NCK1: variants seen among roughly 807,000 people sequenced by gnomAD.
NCK1 encodes the protein NCK adaptor protein 1, also known as SH2/SH3 adapter protein NCK1.
In NCK1, 19 loss-of-function variants were observed where a neutral mutation model predicts 36.6. That is an observed-to-expected ratio of 0.52 (90% confidence interval 0.36 to 0.76). The LOEUF is 0.76. NCK1 is among the 30% of genes least tolerant of loss of function. NCK1 has a pLI of 0.00. For synonymous variants in NCK1, 165 were observed against 156.0 expected (o/e 1.06, Z -0.43); for missense variants, 358 against 445.6 (o/e 0.80, Z 1.77).
chr3:136,870,804 T>G (rs1938593804), intron 1 of NCK1, among the ~76,000 whole-genome samples: 1 of 152,064 alleles, frequency 6.6e-6, no homozygotes, highest in Admixed American at 6.6e-5. Context: ...AGCTTAGCCC[T>G]TTTTTGCTTT....
At chr3:136,867,483 C>G (rs563602961) in intron 1 of NCK1, 6 of 130,156 alleles carry the variant, frequency 4.6e-5, no homozygotes, top group Non-Finnish European at 7.8e-5. Context: ...TGGCCTCAAA[C>G]GATCCTCCCA....
chr3:136,896,703 G>T (rs905232953), intron 1 of NCK1, among the ~76,000 whole-genome samples: 1 of 152,060 alleles, frequency 6.6e-6, no homozygotes, highest in African/African-American at 2.4e-5. Context: ...GTCTCACTAT[G>T]TTGCCCAAAC....
intron 1 of NCK1, among the ~76,000 whole-genome samples, chr3:136,906,706 GCT>G (rs1939695536): frequency 6.6e-6 from 1 of 152,180 alleles, no homozygotes; most frequent in South Asian, 2.1e-4. Context: ...AGCTGTCTGT[GCT>G]GGTGTAGGCA....
intron 1 of NCK1, among the ~76,000 whole-genome samples, chr3:136,908,802 T>C (rs966384521): frequency 2.6e-5 from 4 of 152,210 alleles, no homozygotes; most frequent in African/African-American, 7.2e-5. Flanking sequence ...ACAAAAATTA[T>C]AAGACCATTA....
chr3:136,888,542 A>G (rs1489411181), intron 1 of NCK1, among the ~76,000 whole-genome samples: 2 of 151,312 alleles, frequency 1.3e-5, no homozygotes, highest in African/African-American at 4.9e-5. Flanking sequence ...AGCTGGGACT[A>G]CAGAAGCTTG....
At chr3:136,873,106 A>G (rs1938674191) in intron 1 of NCK1, among the ~76,000 whole-genome samples, 1 of 152,136 alleles carries the variant, frequency 6.6e-6, no homozygotes, top group South Asian at 2.1e-4. Context: ...TGATAGATCC[A>G]CTGACAGCTT....
At chr3:136,944,092 G>A (rs1190235305) in intron 2 of NCK1, among the ~76,000 whole-genome samples, 4 of 141,972 alleles carry the variant, frequency 2.8e-5, no homozygotes, top group East Asian at 2.1e-4. Flanking sequence ...TGAAAAAGTC[G>A]AGGGAAAAGG....
chr3:136,929,253 C>T (rs1230306086), intron 2 of NCK1, among the ~76,000 whole-genome samples: 3 of 152,102 alleles, frequency 2.0e-5, no homozygotes, highest in African/African-American at 4.8e-5. Flanking sequence ...TCTTATTCAA[C>T]ATTATTGTTA....
chr3:136,917,540 A>G (rs530392140), intron 1 of NCK1, among the ~76,000 whole-genome samples: 1 of 152,352 alleles, frequency 6.6e-6, no homozygotes, highest in Non-Finnish European at 1.5e-5. Flanking sequence ...TCCACCTTAT[A>G]GCCCATGTAA....
intron 1 of NCK1, among the ~76,000 whole-genome samples, chr3:136,868,011 G>T (rs9883108): frequency 6.6e-6 from 1 of 151,686 alleles, no homozygotes; most frequent in African/African-American, 2.4e-5. Context: ...TCCGCCTCTC[G>T]GGTTCAAGCA....
chr3:136,867,669 G>A (rs1938489939), intron 1 of NCK1: 1 of 152,070 alleles, frequency 6.6e-6, no homozygotes, highest in Non-Finnish European at 1.5e-5. Context: ...CCAACCTTGT[G>A]TTTTACAGAT....
intron 1 of NCK1, among the ~76,000 whole-genome samples, chr3:136,867,175 TC>T (rs1938468794): frequency 3.8e-5 from 2 of 52,504 alleles, no homozygotes; most frequent in African/African-American, 8.4e-5. Flanking sequence ...CTTCCTTCCT[TC>T]CTTCTTTCTT....
Position 136,951,548 on chromosome 3 carries a change from G to A in NCK1, c.*3095G>A, listed in dbSNP as rs1940972048. Among the ~76,000 whole-genome samples the A allele has an allele frequency of 1.3e-5, 2 of 152,112 alleles. No individual in the cohort carries two copies. The highest frequency in any genetic ancestry group is 6.5e-5 in the Admixed American group (1 of 15,272). On this transcript the variant is annotated 3_prime_UTR_variant, in exon 4 of 4. Coordinates refer to ENST00000481752, the MANE Select transcript of NCK1 (RefSeq NM_001291999.2). ...ATGGATGGTCCTCTTATCTTTACCA[G>A]TGCACATGGTGAAAAAATTCAAACA...
At chr3:136,921,973 C>T (rs574944325) in intron 1 of NCK1, among the ~76,000 whole-genome samples, 11 of 152,164 alleles carry the variant, frequency 7.2e-5, no homozygotes, top group Admixed American at 1.3e-4. Flanking sequence ...TTAGTAGAGA[C>T]GGGGTTTCAC....
intron 1 of NCK1, among the ~76,000 whole-genome samples, chr3:136,880,250 A>G (rs1373808125): frequency 1.3e-5 from 2 of 151,710 alleles, no homozygotes; most frequent in Non-Finnish European, 2.9e-5. Context: ...ATGCCACTGC[A>G]CTCCAGCCGG....
chr3:136,889,310 T>TA (rs1052207549), intron 1 of NCK1: 5 of 168,196 alleles, frequency 3.0e-5, no homozygotes, highest in Admixed American at 2.6e-4. Context: ...CGGTGAGTGT[T>TA]ACAGCTGTTA....
intron 1 of NCK1, among the ~76,000 whole-genome samples, chr3:136,871,940 G>T (rs756471691): frequency 2.0e-5 from 3 of 152,190 alleles, no homozygotes; most frequent in Non-Finnish European, 2.9e-5. Flanking sequence ...CTGCCATGTG[G>T]AACTGTAAGC....
chr3:136,938,633 T>A (rs1291429266), intron 2 of NCK1, among the ~76,000 whole-genome samples: 1 of 152,240 alleles, frequency 6.6e-6, no homozygotes, highest in Admixed American at 6.5e-5. Context: ...GCTGTGAATT[T>A]GCTTATGGAA....
intron 1 of NCK1, among the ~76,000 whole-genome samples, chr3:136,878,779 G>A (rs934681142): frequency 3.3e-5 from 5 of 152,068 alleles, no homozygotes; most frequent in African/African-American, 7.2e-5. Flanking sequence ...GCCTTCTTGA[G>A]TACCCCAGCA....
Sources: gnomAD v4.1 joint callset for allele counts (sites outside exome capture counted in the v4.1 genomes callset) on GRCh38, gnomAD v4.1.1 for gene constraint, MANE v1.5 for transcripts, NCBI Gene and HGNC (gene_info 2026-07-23, HGNC 2026-07-21) for gene names.